GRM8: variants seen among roughly 807,000 people sequenced by gnomAD.
GRM8 encodes the protein glutamate metabotropic receptor 8.
GRM8 carries 47 observed loss-of-function variants against 87.2 expected under a neutral mutation model. The observed-to-expected ratio is 0.54, with a 90% confidence interval of 0.43 to 0.69. The LOEUF (loss-of-function observed/expected upper bound fraction) is 0.69, where lower values mean the gene tolerates loss of function less well. Ranked by LOEUF, GRM8 falls within the 30% of genes least tolerant of loss-of-function variation. The pLI, the probability that GRM8 is intolerant of heterozygous loss-of-function variation, is 0.00. For synonymous variants in GRM8, 396 were observed against 404.5 expected, an observed-to-expected ratio of 0.98 and a Z score of 0.25; for missense variants, 1,019 against 1,139.2, an observed-to-expected ratio of 0.89 and a Z score of 1.52.
chr7:127,029,661 C>CTTT (rs5887322), intron 3 of GRM8, among the ~76,000 whole-genome samples: 1 of 148,526 alleles, frequency 6.7e-6, no homozygotes, highest in Non-Finnish European at 1.5e-5. Context: ...GCAACCTCTG[C>CTTT]TTTTTTTTTT....
At chr7:126,908,679 C>G (rs1216823968) in intron 3 of GRM8, among the ~76,000 whole-genome samples, 1 of 152,160 alleles carries the variant, frequency 6.6e-6, no homozygotes, top group African/African-American at 2.4e-5. Flanking sequence ...ACCTATTAAA[C>G]ATTTTTGTTT....
Position 126,966,357 on chromosome 7 carries a change from A to C in GRM8, c.728-61674T>G, listed in dbSNP as rs1809862388. 2.0e-5 allele frequency among the ~76,000 whole-genome samples: 3 copies of C among 151,956 alleles called. No individual in the cohort carries two copies. In the South Asian group the frequency reaches 6.2e-4, roughly 32 times the overall value. ...ACTATGTTGTCCAGGCTGGTCTAGA[A>C]CTCATAAGTTCAAGTGATCCGCCTG... On this transcript the variant is annotated intron_variant, in intron 3 of 10. Transcript: ENST00000339582.
At chr7:126,785,368 T>A (rs1820516903) in intron 6 of GRM8, among the ~76,000 whole-genome samples, 1 of 152,088 alleles carries the variant, frequency 6.6e-6, no homozygotes, top group African/African-American at 2.4e-5. Flanking sequence ...CAATTTGACT[T>A]CTATCCCAAC....
intron 2 of GRM8, among the ~76,000 whole-genome samples, chr7:127,192,569 A>T (rs1173802661): frequency 2.0e-5 from 3 of 152,214 alleles, no homozygotes; most frequent in Non-Finnish European, 2.9e-5. Flanking sequence ...ATCAGGGCTC[A>T]CAAAGGAAAG....
At chr7:126,764,977 T>C (rs1445359153) in intron 7 of GRM8, among the ~76,000 whole-genome samples, 2 of 152,056 alleles carry the variant, frequency 1.3e-5, no homozygotes, top group Non-Finnish European at 2.9e-5. Flanking sequence ...ACTTTCTAAA[T>C]GTCACCTTTT....
At chr7:127,143,186 G>A (rs1447255996) in intron 2 of GRM8, among the ~76,000 whole-genome samples, 3 of 152,002 alleles carry the variant, frequency 2.0e-5, no homozygotes, top group Non-Finnish European at 4.4e-5. Context: ...AGTTCTAATA[G>A]GTAAGCCTGT....
intron 7 of GRM8, among the ~76,000 whole-genome samples, chr7:126,744,274 A>G (rs1020198359): frequency 1.3e-5 from 2 of 152,066 alleles, no homozygotes; most frequent in African/African-American, 4.8e-5. Context: ...CATATAAACC[A>G]TGGTTATTAA....
At chr7:126,630,832 C>A (rs1027038804) in intron 7 of GRM8, among the ~76,000 whole-genome samples, 6 of 152,064 alleles carry the variant, frequency 3.9e-5, no homozygotes, top group African/African-American at 1.4e-4. Flanking sequence ...ATTCAACATC[C>A]TTCATGTTAA....
chr7:126,771,691 C>T (rs888629671), intron 6 of GRM8, among the ~76,000 whole-genome samples: 7 of 152,012 alleles, frequency 4.6e-5, no homozygotes, highest in Non-Finnish European at 8.8e-5. Context: ...TAACTGCTAT[C>T]GTCCCATATT....
At chr7:126,575,160 C>T (rs1048115278) in intron 8 of GRM8, among the ~76,000 whole-genome samples, 56 of 152,026 alleles carry the variant, frequency 3.7e-4, no homozygotes, top group African/African-American at 1.3e-3. Flanking sequence ...GCAGCACAAG[C>T]ATTACTGCCT....
At chr7:126,643,309 AAAAAAAAAAAATATATATATAT>A (rs1463818766) in intron 7 of GRM8, among the ~76,000 whole-genome samples, 3 of 30,500 alleles carry the variant, frequency 9.8e-5, no homozygotes, top group East Asian at 1.7e-3. Context: ...AAAAAAAAAA[AAAAAAAAAAAATATATATATAT>A]ATATATATAT....
intron 9 of GRM8, among the ~76,000 whole-genome samples, chr7:126,489,415 G>A (rs183891765): frequency 1.3e-5 from 2 of 152,134 alleles, no homozygotes; most frequent in East Asian, 3.9e-4. Context: ...GTACCTTGAG[G>A]TATGCAGTAC....
intron 7 of GRM8, among the ~76,000 whole-genome samples, chr7:126,702,473 C>T (rs760313649): frequency 3.9e-5 from 6 of 152,182 alleles, no homozygotes; most frequent in Admixed American, 6.5e-5. Context: ...AGCACTGATT[C>T]AGAACTAAAC....
intron 3 of GRM8, among the ~76,000 whole-genome samples, chr7:127,001,035 A>G (rs1318078488): frequency 2.6e-5 from 4 of 151,646 alleles, no homozygotes; most frequent in African/African-American, 9.7e-5. Flanking sequence ...CAGAAACACT[A>G]CAATAATCAA....
At chr7:126,607,753 T>C (rs1798504341) in intron 8 of GRM8, among the ~76,000 whole-genome samples, 1 of 152,014 alleles carries the variant, frequency 6.6e-6, no homozygotes, top group Non-Finnish European at 1.5e-5. Flanking sequence ...AATGTGAAGG[T>C]TAGTTACATA....
intron 6 of GRM8, among the ~76,000 whole-genome samples, chr7:126,879,007 A>G: frequency 6.6e-6 from 1 of 152,036 alleles, no homozygotes; most frequent in South Asian, 2.1e-4. Flanking sequence ...TACTAAAAAT[A>G]CAAAAATTAG....
intron 3 of GRM8, among the ~76,000 whole-genome samples, chr7:126,945,535 C>T (rs757980493): frequency 2.0e-4 from 31 of 152,178 alleles, no homozygotes; most frequent in Middle Eastern, 3.4e-3. Flanking sequence ...GTTTCATGCC[C>T]AAAATTGTTA....
chr7:127,004,606 T>A (rs370217604), intron 3 of GRM8, among the ~76,000 whole-genome samples: 1 of 151,690 alleles, frequency 6.6e-6, no homozygotes, highest in Non-Finnish European at 1.5e-5. Flanking sequence ...AATGATCATC[T>A]GTAAGAAAGT....
At chr7:126,790,586 C>T (rs894007668) in intron 6 of GRM8, among the ~76,000 whole-genome samples, 21 of 152,118 alleles carry the variant, frequency 1.4e-4, no homozygotes, top group African/African-American at 5.1e-4. Flanking sequence ...TAAAAGTTTA[C>T]TTTTTTTCAT....
Sources: gnomAD v4.1 joint callset for allele counts (sites outside exome capture counted in the v4.1 genomes callset) on GRCh38, gnomAD v4.1.1 for gene constraint, MANE v1.5 for transcripts, NCBI Gene and HGNC (gene_info 2026-07-23, HGNC 2026-07-21) for gene names.